Variants in SUMF1 observed in about 807,000 individuals in gnomAD.
SUMF1 encodes sulfatase modifying factor 1.
Under a neutral mutation model 47.6 loss-of-function variants are expected in SUMF1, and 48 were observed. The observed-to-expected ratio is 1.01, with a 90% confidence interval of 0.80 to 1.28. The LOEUF (loss-of-function observed/expected upper bound fraction) is 1.28, where lower values mean the gene tolerates loss of function less well. Ranked by LOEUF, SUMF1 falls within the 50% of genes most tolerant of loss-of-function variation. The pLI is 0.00. For missense variants in SUMF1, 571 were observed against 485.4 expected, an observed-to-expected ratio of 1.18 and a Z score of -1.66; for synonymous variants, 230 against 192.1, an observed-to-expected ratio of 1.20 and a Z score of -1.63.
At chr3:4,233,291 C>G (rs1299617145) in intron 8 of SUMF1, among the ~76,000 whole-genome samples, 2 of 152,092 alleles carry the variant, frequency 1.3e-5, no homozygotes, top group East Asian at 3.9e-4. Context: ...GTTTAAAAAT[C>G]TATCTATTCC....
At chr3:4,247,079 G>A (rs60463384) in intron 8 of SUMF1, among the ~76,000 whole-genome samples, 1 of 152,098 alleles carries the variant, frequency 6.6e-6, no homozygotes, top group East Asian at 1.9e-4. Context: ...CACTTAAATA[G>A]ATTCTCTGGA....
chr3:4,378,014 G>A (rs539737759), intron 7 of SUMF1, among the ~76,000 whole-genome samples: 2 of 152,148 alleles, frequency 1.3e-5, no homozygotes, highest in Non-Finnish European at 1.5e-5. Flanking sequence ...TAAACCATGT[G>A]GGCAGAAGTG....
Position 4,450,538 on chromosome 3 carries a change from A to C in SUMF1, c.445-1198T>G, listed in dbSNP as rs12107898. ...TTTAGTTATTCAACAAACATGTATCAAACACCTACCATGTGCTCAGTTTGG... is the reference window on the plus strand; with the variant it reads ...TTTAGTTATTCAACAAACATGTATCCAACACCTACCATGTGCTCAGTTTGG... On this transcript the variant is annotated intron_variant, in intron 2 of 8. Coordinates refer to ENST00000272902, the MANE Select transcript of SUMF1 (RefSeq NM_182760.4). Among the ~76,000 whole-genome samples, 204 of 152,290 alleles carry C rather than the reference A, an allele frequency of 1.3e-3. 1 individual carries two copies. Among genetic ancestry groups the C allele is most frequent in the African/African-American group, 4.7e-3 (196 of 41,568 alleles).
intron 8 of SUMF1, among the ~76,000 whole-genome samples, chr3:4,175,107 T>C (rs540372202): frequency 2.0e-5 from 3 of 152,186 alleles, no homozygotes; most frequent in African/African-American, 7.2e-5. Flanking sequence ...GGGCAGGGCA[T>C]AGCTGAACAA....
chr3:4,314,409 C>T (rs557122268), intron 8 of SUMF1: 5 of 152,670 alleles, frequency 3.3e-5, no homozygotes, highest in East Asian at 1.9e-4. Context: ...CTGACTCCTG[C>T]GTCCTACTTA....
At chr3:4,385,600 T>C (rs1054773859) in intron 7 of SUMF1, among the ~76,000 whole-genome samples, 1 of 152,240 alleles carries the variant, frequency 6.6e-6, no homozygotes, top group Non-Finnish European at 1.5e-5. Flanking sequence ...CTTAACAGGC[T>C]CTTTCACAGA....
At position 4,361,816 on chromosome 3, in the gene SUMF1, C is replaced by T. The variant is rs1699767088; in HGVS notation, c.*328G>A. On this transcript the variant is annotated 3_prime_UTR_variant, in exon 9 of 9. Transcript: ENST00000272902. ...AGGCCCAGGAAGGTCAAGCGTCGGACCTGGGGTCTAACCCCTGTGGCAGAG... is the reference window on the plus strand; with the variant it reads ...AGGCCCAGGAAGGTCAAGCGTCGGATCTGGGGTCTAACCCCTGTGGCAGAG... 2.8e-6 allele frequency: 1 copy of T among 352,860 alleles called. No homozygotes were observed. The highest frequency in any genetic ancestry group is 2.1e-5 in the African/African-American group (1 of 47,748). The allele number at this position is 352,860 out of a possible 1,614,324, so 21.9% of individuals were successfully genotyped here.
intron 3 of SUMF1, among the ~76,000 whole-genome samples, chr3:4,437,989 TA>T (rs1359828406): frequency 1.3e-5 from 2 of 151,584 alleles, no homozygotes; most frequent in Non-Finnish European, 2.9e-5. Context: ...AAAGAAAAAG[TA>T]TATATTAGAC....
chr3:4,326,171 A>C (rs1698940995), intron 8 of SUMF1, among the ~76,000 whole-genome samples: 1 of 152,204 alleles, frequency 6.6e-6, no homozygotes, highest in Non-Finnish European at 1.5e-5. Context: ...TTTACCAAAG[A>C]CAAGTCACAG....
At chr3:4,298,155 T>C (rs532826729) in intron 8 of SUMF1, among the ~76,000 whole-genome samples, 1 of 152,336 alleles carries the variant, frequency 6.6e-6, no homozygotes, top group East Asian at 1.9e-4. Context: ...TGGAAATCTA[T>C]TAGGGCAATT....
chr3:4,175,740 C>T (rs533902173), intron 8 of SUMF1, among the ~76,000 whole-genome samples: 37 of 152,122 alleles, frequency 2.4e-4, no homozygotes, highest in African/African-American at 8.4e-4. Flanking sequence ...CAAACTTCTC[C>T]GAGCTAAAGG....
chr3:4,428,624 G>A (rs1337277796), intron 3 of SUMF1, among the ~76,000 whole-genome samples: 2 of 152,136 alleles, frequency 1.3e-5, no homozygotes, highest in South Asian at 2.1e-4. Flanking sequence ...AAAGTGCTGG[G>A]ATTACAGGCA....
At chr3:4,316,967 G>T (rs60019211) in intron 8 of SUMF1, 2 of 1,549,384 alleles carry the variant, frequency 1.3e-6, no homozygotes, top group Admixed American at 3.9e-5. Context: ...ATGCCCGACC[G>T]CATGTTGCAC....
chr3:4,399,616 T>C (rs1396236452), intron 7 of SUMF1, among the ~76,000 whole-genome samples: 8 of 152,108 alleles, frequency 5.3e-5, no homozygotes, highest in Non-Finnish European at 1.2e-4. Flanking sequence ...TGTAATTCAC[T>C]GCCAAGAAAA....
At chr3:4,038,613 C>T (rs115124029) in intron 9 of SUMF1, among the ~76,000 whole-genome samples, 6,612 of 152,106 alleles carry the variant, frequency 0.043, 500 homozygotes, top group African/African-American at 0.15. Flanking sequence ...GAGCAAAGGG[C>T]GAAGGGCTCA....
chr3:4,300,673 G>GA (rs1279358530), intron 8 of SUMF1, among the ~76,000 whole-genome samples: 1 of 151,966 alleles, frequency 6.6e-6, no homozygotes, highest in Non-Finnish European at 1.5e-5. Flanking sequence ...AAGACTTGGA[G>GA]AAAAAAAAGC....
At chr3:4,106,522 A>G (rs1002481629) in intron 8 of SUMF1, among the ~76,000 whole-genome samples, 1 of 152,120 alleles carries the variant, frequency 6.6e-6, no homozygotes, top group African/African-American at 2.4e-5. Flanking sequence ...AATATAACAG[A>G]TAGGAAATTC....
chr3:4,362,384 T>A, intron 8 of SUMF1, 130 bp from the exon 9 acceptor site: 1 of 756,344 alleles, frequency 1.3e-6, no homozygotes, highest in Non-Finnish European at 2.3e-6. Context: ...ATACTTAACA[T>A]GTATGCTTTA....
At chr3:4,383,674 G>C (rs1388357885) in intron 7 of SUMF1, among the ~76,000 whole-genome samples, 4 of 152,108 alleles carry the variant, frequency 2.6e-5, no homozygotes, top group Non-Finnish European at 5.9e-5. Context: ...TATAAGACTG[G>C]AGTCTCCTAA....
Sources: gnomAD v4.1 joint callset for allele counts (sites outside exome capture counted in the v4.1 genomes callset) on GRCh38, gnomAD v4.1.1 for gene constraint, MANE v1.5 for transcripts, NCBI Gene and HGNC (gene_info 2026-07-23, HGNC 2026-07-21) for gene names.